The following SCUBE1 variants were observed in gnomAD, a reference collection of about 807,000 sequenced individuals.
SCUBE1 encodes signal peptide, CUB domain and EGF like domain containing 1.
In SCUBE1, 59 loss-of-function variants were observed where a neutral mutation model predicts 124.4. That is an observed-to-expected ratio of 0.47 (90% CI 0.38 to 0.59). SCUBE1 has a LOEUF of 0.59. Among genes scored for constraint, SCUBE1 ranks in the 20% least tolerant of loss-of-function variants. SCUBE1 has a pLI of 0.00. For synonymous variants in SCUBE1, 545 were observed against 550.9 expected (o/e 0.99, Z 0.15); for missense variants, 1,150 against 1,371.2 (o/e 0.84, Z 2.55).
intron 7 of SCUBE1, among the ~76,000 whole-genome samples, chr22:43,236,476 C>T (rs1001942007): frequency 2.6e-5 from 4 of 152,230 alleles, no homozygotes; most frequent in African/African-American, 9.6e-5. Flanking sequence ...TACTGTGACC[C>T]CACTGTGGCC....
At chr22:43,301,758 C>T (rs1368639302) in intron 3 of SCUBE1, among the ~76,000 whole-genome samples, 4 of 152,204 alleles carry the variant, frequency 2.6e-5, no homozygotes, top group Non-Finnish European at 4.4e-5. Context: ...TTGAGCATCA[C>T]AGTATCCCAG....
Position 43,231,802 on chromosome 22 carries a change from G to A in SCUBE1, c.918C>T (p.Cys306=), listed in dbSNP as rs1222734179. 4.5e-5 allele frequency: 72 copies of A among 1,612,094 alleles called. No individual in the cohort carries two copies. The highest frequency in any genetic ancestry group is 5.8e-5 in the Non-Finnish European group (68 of 1,179,392). The change falls in exon 8 of 22, where the codon TGC becomes TGT. Residue 306 remains cysteine, a synonymous_variant. Coordinates refer to ENST00000360835, the MANE Select transcript of SCUBE1 (RefSeq NM_173050.5). ...FCRNTVGSFE[C]GCRKGYKLLT... ...GCAGCTTGTAGCCCTTCCGGCAGCC[G>A]CACTCGAAGCTGCCCACGGTGTTGC...
At chr22:43,310,497 A>C (rs1008680870) in intron 3 of SCUBE1, among the ~76,000 whole-genome samples, 14 of 152,198 alleles carry the variant, frequency 9.2e-5, no homozygotes, top group Non-Finnish European at 1.9e-4. Flanking sequence ...AACCACCACC[A>C]CCAGCTGTGA....
intron 10 of SCUBE1, among the ~76,000 whole-genome samples, chr22:43,223,674 ACTT>A (rs1922194271): frequency 2.0e-5 from 3 of 152,208 alleles, no homozygotes; most frequent in Admixed American, 2.0e-4. Flanking sequence ...TCACTTGCTT[ACTT>A]ATCTTTAGAG....
At chr22:43,256,680 G>A (rs954657647) in intron 6 of SCUBE1, among the ~76,000 whole-genome samples, 1 of 152,264 alleles carries the variant, frequency 6.6e-6, no homozygotes, top group African/African-American at 2.4e-5. Flanking sequence ...CACAGGCTGG[G>A]TGCGTCTGGC....
At chr22:43,285,538 G>A (rs2146745224) in intron 4 of SCUBE1, among the ~76,000 whole-genome samples, 1 of 152,328 alleles carries the variant, frequency 6.6e-6, no homozygotes, top group African/African-American at 2.4e-5. Flanking sequence ...TAGGGGGCGG[G>A]GGACAGAGGT....
intron 3 of SCUBE1, among the ~76,000 whole-genome samples, chr22:43,319,726 C>T (rs551019157): frequency 3.0e-4 from 46 of 152,240 alleles, no homozygotes; most frequent in African/African-American, 1.1e-3. Flanking sequence ...GCCCCCACCT[C>T]GATCTTGGAC....
intron 14 of SCUBE1, among the ~76,000 whole-genome samples, chr22:43,219,604 G>C (rs371481730): frequency 6.6e-5 from 10 of 152,082 alleles, no homozygotes; most frequent in African/African-American, 2.4e-4. Context: ...CTCCTGAGTA[G>C]CTGGGATTAC....
chr22:43,221,172 C>T lies in SCUBE1; in HGVS notation c.1549+1G>A. On this transcript the variant is annotated splice_donor_variant, in intron 13 of 21. Transcript: ENST00000360835. LOFTEE classifies it high-confidence loss of function. ...GGTTAGGAGCAGGGCGTCCCACTCA[C>T]CCAGCAGCGGCTGCCTGGCGGTCTC... is the stretch of plus-strand genomic sequence containing the variant. 1 of 1,607,500 alleles carries T rather than the reference C, an allele frequency of 6.2e-7. No homozygotes were observed. Among genetic ancestry groups the T allele is most frequent in the Non-Finnish European group, 8.5e-7 (1 of 1,178,678 alleles).
intron 4 of SCUBE1, among the ~76,000 whole-genome samples, chr22:43,264,268 C>T (rs944348338): frequency 1.3e-5 from 2 of 152,228 alleles, no homozygotes; most frequent in Admixed American, 6.5e-5. Context: ...ACAACTGCTT[C>T]CCTTTTCTGA....
intron 3 of SCUBE1, among the ~76,000 whole-genome samples, chr22:43,313,142 G>C (rs980924137): frequency 2.6e-5 from 4 of 152,186 alleles, no homozygotes; most frequent in Non-Finnish European, 5.9e-5. Flanking sequence ...CACACAGGAG[G>C]CTCAACCAAA....
chr22:43,263,729 A>G (rs1923959215), intron 4 of SCUBE1, among the ~76,000 whole-genome samples: 2 of 152,206 alleles, frequency 1.3e-5, no homozygotes, highest in Admixed American at 1.3e-4. Flanking sequence ...TCAAACAAAC[A>G]AATGGAAATG....
intron 3 of SCUBE1, among the ~76,000 whole-genome samples, chr22:43,300,861 C>T (rs1212644581): frequency 2.0e-5 from 3 of 152,072 alleles, no homozygotes; most frequent in Non-Finnish European, 4.4e-5. Flanking sequence ...AACCCCCAGG[C>T]CTGCCAGCTC....
At chr22:43,306,922 C>T (rs1048865243) in intron 3 of SCUBE1, among the ~76,000 whole-genome samples, 8 of 152,310 alleles carry the variant, frequency 5.3e-5, no homozygotes, top group East Asian at 1.9e-4. Context: ...ACTTTCCCAG[C>T]GCTTCTACCC....
intron 3 of SCUBE1, among the ~76,000 whole-genome samples, chr22:43,305,680 G>A (rs1032682858): frequency 7.9e-4 from 120 of 152,292 alleles, no homozygotes; most frequent in Non-Finnish European, 3.1e-4. Context: ...ACAGGCCCTG[G>A]GGAGGGTCCC....
intron 2 of SCUBE1, among the ~76,000 whole-genome samples, chr22:43,321,778 A>G (rs1282902659): frequency 6.6e-6 from 1 of 152,124 alleles, no homozygotes; most frequent in South Asian, 2.1e-4. Context: ...GGGCCTCACT[A>G]TGTTGCCAAG....
chr22:43,271,706 C>T (rs1403182040), intron 4 of SCUBE1, among the ~76,000 whole-genome samples: 2 of 152,132 alleles, frequency 1.3e-5, no homozygotes, highest in South Asian at 2.1e-4. Context: ...CTGGCGGTCC[C>T]GGACTAGACC....
intron 4 of SCUBE1, among the ~76,000 whole-genome samples, chr22:43,278,894 G>C (rs1183641050): frequency 6.6e-6 from 1 of 152,156 alleles, no homozygotes; most frequent in African/African-American, 2.4e-5. Flanking sequence ...GGCCTGTCGA[G>C]GACACCTGAG....
rs139119420 is a variant in SCUBE1 at position 43,218,405 on chromosome 22, C to A, written c.1741G>T (p.Ala581Ser). ...RKRAEQSLQA[A>S]IKTLRKSIGR... ...ATGGACTTGCGCAGGGTCTTGATGG[C>A]GGCCTGCAGGCTCTGTTCTGCTCGC... is the stretch of plus-strand genomic sequence containing the variant. The change falls in exon 15 of 22, where the codon GCC (alanine) becomes TCC (serine). Residue 581 changes from alanine (A) to serine (S), a missense_variant. By Grantham distance (99) the Ala-to-Ser change is moderately conservative (BLOSUM62 1). This residue lies in a region of SCUBE1 where 757 missense variants were observed against 840.9 expected (regional missense o/e 0.90). Transcript: ENST00000360835. 6 of 1,613,314 alleles carry A rather than the reference C, an allele frequency of 3.7e-6. No individual in the cohort carries two copies. Among genetic ancestry groups the A allele is most frequent in the Non-Finnish European group, 5.1e-6 (6 of 1,180,034 alleles).
Sources: allele counts gnomAD v4.1 joint callset (sites outside exome capture counted in the v4.1 genomes callset), GRCh38; gene constraint gnomAD v4.1.1; regional missense constraint gnomAD v4.1.1; transcripts MANE v1.5; gene names NCBI Gene and HGNC (gene_info 2026-07-23, HGNC 2026-07-21).